DLGAP2: variants seen among roughly 807,000 people sequenced by gnomAD.
The protein encoded by DLGAP2 is disks large-associated protein 2.
In DLGAP2, 26 loss-of-function variants were observed where a neutral mutation model predicts 100.3. The observed-to-expected ratio is 0.26, with a 90% CI of 0.19 to 0.36. The LOEUF (loss-of-function observed/expected upper bound fraction) is 0.36, where lower values mean the gene tolerates loss of function less well. DLGAP2 is among the 10% of genes least tolerant of loss of function. The pLI is 1.00. For missense variants in DLGAP2, 1,858 were observed against 1,453.2 expected (o/e 1.28, Z -4.53); for synonymous variants, 886 against 630.1 (o/e 1.41, Z -6.08).
rs199893215 is a variant in DLGAP2, at chr8:1,521,441, GC to G, written c.172+20011del. Among the ~76,000 whole-genome samples the G allele has an allele frequency of 9.4e-3, 621 of 65,786 alleles. 65 individuals are homozygous for G. The highest frequency in any genetic ancestry group is 0.034 in the African/African-American group (570 of 16,602). 43.2% of individuals were successfully genotyped at this position (65,786 alleles called of 152,430 possible). ...ACTTGTTTTAATTTGGAATACTCGG[GC>G]GGCAGGTGATATGGGGCATCTCTGG... On this transcript the variant is annotated intron_variant, in intron 4 of 14. Coordinates refer to ENST00000637795, the MANE Select transcript of DLGAP2 (RefSeq NM_001346810.2).
At chr8:1,327,868 G>A (rs186868221) in intron 3 of DLGAP2, among the ~76,000 whole-genome samples, 8 of 152,160 alleles carry the variant, frequency 5.3e-5, no homozygotes, top group African/African-American at 9.6e-5. Flanking sequence ...ATAAAATGAC[G>A]TGCTTGTAAA....
At chr8:1,153,468 G>A (rs1057395095) in intron 2 of DLGAP2, among the ~76,000 whole-genome samples, 33 of 152,084 alleles carry the variant, frequency 2.2e-4, no homozygotes, top group South Asian at 4.2e-4. Context: ...TACCAGTCGC[G>A]TGATTATACG....
At chr8:960,296 C>T (rs564741572) in intron 2 of DLGAP2, among the ~76,000 whole-genome samples, 18 of 123,738 alleles carry the variant, frequency 1.5e-4, no homozygotes, top group Non-Finnish European at 2.7e-4. Flanking sequence ...AGTGAAGTGG[C>T]ACAATCTTGG....
At chr8:1,202,364 A>G (rs1374658059) in intron 2 of DLGAP2, among the ~76,000 whole-genome samples, 1 of 151,474 alleles carries the variant, frequency 6.6e-6, no homozygotes, top group African/African-American at 2.4e-5. Flanking sequence ...TCCTCTTGGC[A>G]CCTGTTGTGC....
At chr8:1,442,712 A>T (rs1393496260) in intron 3 of DLGAP2, among the ~76,000 whole-genome samples, 3 of 147,146 alleles carry the variant, frequency 2.0e-5, no homozygotes, top group Non-Finnish European at 3.0e-5. Flanking sequence ...GAGGAGACGG[A>T]TCCGGGCATA....
At chr8:1,081,299 T>G (rs1477936308) in intron 2 of DLGAP2, among the ~76,000 whole-genome samples, 1 of 152,228 alleles carries the variant, frequency 6.6e-6, no homozygotes, top group South Asian at 2.1e-4. Flanking sequence ...TCTTAGCTAT[T>G]ACTATTTGTG....
At chr8:1,253,743 AATTT>A (rs1285461267) in intron 2 of DLGAP2, among the ~76,000 whole-genome samples, 2 of 152,180 alleles carry the variant, frequency 1.3e-5, no homozygotes, top group African/African-American at 4.8e-5. Flanking sequence ...GTCTTCTCCT[AATTT>A]AAGTGAGACT....
At chr8:850,649 A>G (rs1416237025) in intron 1 of DLGAP2, among the ~76,000 whole-genome samples, 1 of 152,208 alleles carries the variant, frequency 6.6e-6, no homozygotes. Flanking sequence ...GAAGAAAATT[A>G]GACCCCAGAA....
In DLGAP2 at chr8:1,626,868, A is replaced by G; in HGVS notation, c.1571A>G (p.Gln524Arg). The G allele has an allele frequency of 6.2e-7, 1 of 1,604,736 alleles. No individual in the cohort carries two copies. The highest frequency in any genetic ancestry group is 2.2e-5 in the East Asian group (1 of 44,448). ...SYMRAVSTLS[Q>R]ASCVSQVSEA... ...ATGAGGGCCGTCAGCACCCTGAGCC[A>G]GGCCAGCTGCGTGAGCCAGGTCAGG... is the stretch of plus-strand genomic sequence containing the variant. Residue 524 changes from glutamine (Q) to arginine (R), a missense_variant, in exon 7 of 15, where the codon CAG becomes CGG. Transcript: ENST00000637795.
At chr8:1,658,465 G>T (rs117615959) in intron 8 of DLGAP2, among the ~76,000 whole-genome samples, 3 of 152,244 alleles carry the variant, frequency 2.0e-5, no homozygotes, top group Non-Finnish European at 4.4e-5. Flanking sequence ...CTATGGATCC[G>T]TCTGGTCCTG....
chr8:1,099,064 C>A (rs1804494826), intron 2 of DLGAP2, among the ~76,000 whole-genome samples: 1 of 152,150 alleles, frequency 6.6e-6, no homozygotes, highest in Non-Finnish European at 1.5e-5. Context: ...ACTGTTCTTA[C>A]AGCATTTCAA....
At chr8:952,444 C>A (rs946065275) in intron 2 of DLGAP2, among the ~76,000 whole-genome samples, 3 of 152,128 alleles carry the variant, frequency 2.0e-5, no homozygotes, top group Non-Finnish European at 4.4e-5. Context: ...CAAGACCAGC[C>A]TGGCCAACAT....
chr8:1,450,956 A>G (rs1798143096), intron 3 of DLGAP2, among the ~76,000 whole-genome samples: 1 of 152,120 alleles, frequency 6.6e-6, no homozygotes, highest in Non-Finnish European at 1.5e-5. Flanking sequence ...CTCTATTTGG[A>G]AATGCATCAT....
intron 1 of DLGAP2, among the ~76,000 whole-genome samples, chr8:806,822 T>G (rs1796279400): frequency 6.6e-6 from 1 of 152,152 alleles, no homozygotes; most frequent in Non-Finnish European, 1.5e-5. Flanking sequence ...TTATATAAGT[T>G]AGAGAACAGT....
intron 1 of DLGAP2, among the ~76,000 whole-genome samples, chr8:907,441 A>G (rs1399483977): frequency 6.6e-6 from 1 of 152,246 alleles, no homozygotes. Context: ...ATGAATGTAA[A>G]TACAGCCCTT....
chr8:1,198,853 G>T (rs1382258124), intron 2 of DLGAP2, among the ~76,000 whole-genome samples: 1 of 152,226 alleles, frequency 6.6e-6, no homozygotes, highest in Non-Finnish European at 1.5e-5. Context: ...CTTGGCTGGG[G>T]GTTAGGAGCT....
At chr8:862,199 G>A (rs567610987) in intron 1 of DLGAP2, among the ~76,000 whole-genome samples, 5 of 152,112 alleles carry the variant, frequency 3.3e-5, no homozygotes, top group Non-Finnish European at 7.3e-5. Flanking sequence ...TAATCCACGG[G>A]CTGAGTCGCA....
At chr8:1,584,113 C>A (rs1025133649) in intron 6 of DLGAP2, among the ~76,000 whole-genome samples, 1 of 152,128 alleles carries the variant, frequency 6.6e-6, no homozygotes, top group African/African-American at 2.4e-5. Context: ...TTTATCATTG[C>A]CATTGCGCCT....
intron 4 of DLGAP2, among the ~76,000 whole-genome samples, chr8:1,526,228 C>T (rs1324034654): frequency 2.0e-5 from 3 of 151,608 alleles, no homozygotes; most frequent in Admixed American, 6.6e-5. Flanking sequence ...CCCAGGTGGA[C>T]GTTGCGGTGG....
Sources: gnomAD v4.1 joint callset for allele counts (sites outside exome capture counted in the v4.1 genomes callset) on GRCh38, gnomAD v4.1.1 for gene constraint, MANE v1.5 for transcripts, NCBI Gene and HGNC (gene_info 2026-07-23, HGNC 2026-07-21) for gene names.